KCNQ4: variants seen among roughly 807,000 people sequenced by gnomAD.
KCNQ4 encodes potassium voltage-gated channel subfamily Q member 4.
KCNQ4 carries 31 observed loss-of-function variants against 72.6 expected under a neutral mutation model. That is an observed-to-expected ratio of 0.43 (90% CI 0.32 to 0.58). The LOEUF is 0.58. KCNQ4 is among the 20% of genes least tolerant of loss of function. The probability of loss-of-function intolerance (pLI) is 0.08; values close to 1 mark genes in which losing one functional copy is unlikely to be tolerated. For synonymous variants in KCNQ4, 405 were observed against 403.7 expected (o/e 1.00, Z -0.04); for missense variants, 869 against 962.6 (o/e 0.90, Z 1.29).
In KCNQ4 at chr1:40,817,417, T is replaced by C; in HGVS notation, c.405+62T>C. The C allele has an allele frequency of 7.7e-7, 1 of 1,304,332 alleles. No homozygotes were observed. Among genetic ancestry groups the C allele is most frequent in the Non-Finnish European group, 1.1e-6 (1 of 921,512 alleles). The allele number at this position is 1,304,332 out of a possible 1,614,324, so 80.8% of individuals were successfully genotyped here. A position where few individuals can be genotyped will look rare whatever the true frequency, so the allele number is the denominator to read the frequency against. ...TGAGGTAGCACCTCTGGGCTGGGAGTCCGGGACTGAGGGGGGCTGTGTGAG... is the reference window on the plus strand; with the variant it reads ...TGAGGTAGCACCTCTGGGCTGGGAGCCCGGGACTGAGGGGGGCTGTGTGAG... On this transcript the variant is annotated intron_variant, in intron 2 of 13. Coordinates refer to ENST00000347132, the MANE Select transcript of KCNQ4 (RefSeq NM_004700.4). The surrounding 1 kb of genome is among the most constrained non-coding windows in gnomAD (Gnocchi z 5.5).
intron 1 of KCNQ4, among the ~76,000 whole-genome samples, chr1:40,795,898 G>A (rs955837038): frequency 6.6e-6 from 1 of 152,194 alleles, no homozygotes; most frequent in Non-Finnish European, 1.5e-5. Context: ...TCTCTACCAG[G>A]TATTGTGCTA....
At position 40,831,293 on chromosome 1, in the gene KCNQ4, C is replaced by T. The variant is rs200391496; in HGVS notation, c.1502C>T (p.Thr501Ile). 4.1e-5 allele frequency: 65 copies of T among 1,599,006 alleles called. No individual in the cohort carries two copies. Among genetic ancestry groups the T allele is most frequent in the Non-Finnish European group, 4.9e-5 (57 of 1,173,046 alleles). ...GCATCTCTGAGACTCAAACCCCGCACCTCTGCTGAGGGTAAGCCCCCGGGG... is the reference window on the plus strand; with the variant it reads ...GCATCTCTGAGACTCAAACCCCGCATCTCTGCTGAGGGTAAGCCCCCGGGG... ...FRASLRLKPR[T>I]SAEDAPSEEV... The change falls in exon 10 of 14, where the codon ACC becomes ATC. Residue 501 changes from threonine (T) to isoleucine (I), a missense_variant. Physicochemically the swap from Thr to Ile is moderately conservative, Grantham distance 89. This residue lies in a region of KCNQ4 where 480 missense variants were observed against 501.9 expected (regional missense o/e 0.96). Transcript: ENST00000347132.
chr1:40,823,266 A>G (rs556587519), intron 8 of KCNQ4, among the ~76,000 whole-genome samples: 10 of 152,228 alleles, frequency 6.6e-5, no homozygotes, highest in Non-Finnish European at 1.3e-4. Flanking sequence ...GGCTCCCAGC[A>G]TCACACTGGT....
At chr1:40,799,594 G>T (rs893494248) in intron 1 of KCNQ4, among the ~76,000 whole-genome samples, 1 of 152,196 alleles carries the variant, frequency 6.6e-6, no homozygotes, top group Non-Finnish European at 1.5e-5. Flanking sequence ...TCCAGCCCCC[G>T]GTCATGGCAG....
intron 9 of KCNQ4, among the ~76,000 whole-genome samples, chr1:40,826,038 G>C (rs34452825): frequency 1.3e-5 from 2 of 152,044 alleles, no homozygotes. Context: ...ACCCCAGGGG[G>C]CTGAGCCATG....
rs1648124485 is a variant in KCNQ4, at chr1:40,817,355, G to A, written c.405G>A (p.Leu135=). 6.2e-7 allele frequency: 1 copy of A among 1,612,846 alleles called. No individual in the cohort carries two copies. The highest frequency in any genetic ancestry group is 1.7e-5 in the Admixed American group (1 of 59,938). The change falls in exon 2 of 14, where the codon TTG becomes TTA. Residue 135 remains leucine, a splice_region_variant and synonymous_variant. Coordinates refer to ENST00000347132, the MANE Select transcript of KCNQ4 (RefSeq NM_004700.4). The surrounding 1 kb of genome is among the most constrained non-coding windows in gnomAD (Gnocchi z 5.5). Reference sequence around the variant, plus strand: ...TTGCCAACGAGTGTCTCCTCATCTTGGTAAGTGCTGGGAGTCCGGGACTGA... The same window carrying A: ...TTGCCAACGAGTGTCTCCTCATCTTAGTAAGTGCTGGGAGTCCGGGACTGA... The part of the protein sequence containing the change: ...QELANECLLI[L]EFVMIVVFGL...
intron 9 of KCNQ4, among the ~76,000 whole-genome samples, chr1:40,824,684 C>T (rs1430215371): frequency 6.6e-6 from 1 of 152,162 alleles, no homozygotes; most frequent in Admixed American, 6.5e-5. Context: ...GGTGTGAGGG[C>T]AGGGAACCCC....
At chr1:40,790,643 C>T (rs1265431726) in intron 1 of KCNQ4, among the ~76,000 whole-genome samples, 1 of 152,174 alleles carries the variant, frequency 6.6e-6, no homozygotes, top group African/African-American at 2.4e-5. Flanking sequence ...TCACCCAGCT[C>T]ATGAATGGAG....
Position 40,784,713 on chromosome 1 carries a change from C to G in KCNQ4, c.314+306C>G, listed in dbSNP as rs1252820440. ...TACTCCCGACCGCCAGCTGCCTCCC[C>G]CAAGTCCGCTTGGCGAAGTCTGGGG... On this transcript the variant is annotated intron_variant, in intron 1 of 13. Transcript: ENST00000347132. This position sits in a 1 kb window ranked among gnomAD's most constrained non-coding sequence, Gnocchi z 4.1. Among the ~76,000 whole-genome samples, 1 of 152,230 alleles carries G rather than the reference C, an allele frequency of 6.6e-6. No individual in the cohort carries two copies. The highest frequency in any genetic ancestry group is 1.5e-5 in the Non-Finnish European group (1 of 68,022).
intron 1 of KCNQ4, among the ~76,000 whole-genome samples, chr1:40,816,588 G>A (rs1240989757): frequency 6.6e-6 from 1 of 152,068 alleles, no homozygotes; most frequent in African/African-American, 2.4e-5. Flanking sequence ...TATGTCTCTG[G>A]TTCTGGGCCA....
chr1:40,810,639 C>CGA (rs138118823), intron 1 of KCNQ4, among the ~76,000 whole-genome samples: 1 of 152,136 alleles, frequency 6.6e-6, no homozygotes, highest in South Asian at 2.1e-4. Flanking sequence ...TTGGACATGT[C>CGA]GAGAGAGAGA....
At chr1:40,829,822 A>T (rs750168527) in intron 9 of KCNQ4, among the ~76,000 whole-genome samples, 1 of 152,124 alleles carries the variant, frequency 6.6e-6, no homozygotes. Context: ...AAACCACAGC[A>T]GGGGAGGCAG....
Position 40,800,438 on chromosome 1 carries a change from T to C in KCNQ4, c.314+16031T>C, listed in dbSNP as rs146261353. On this transcript the variant is annotated intron_variant, in intron 1 of 13. Coordinates refer to ENST00000347132, the MANE Select transcript of KCNQ4 (RefSeq NM_004700.4). The stretch of plus-strand genomic sequence containing the variant: ...TTTATTTAAAAGTTTGTTAACCTGA[T>C]TGAAACTTTTAAATATTTAGACTTA... Among the ~76,000 whole-genome samples, 635 of 152,312 alleles carry C rather than the reference T, an allele frequency of 4.2e-3. 5 individuals carry two copies. Among genetic ancestry groups the C allele is most frequent in the African/African-American group, 0.014 (586 of 41,560 alleles).
chr1:40,787,773 C>T (rs899826856), intron 1 of KCNQ4, among the ~76,000 whole-genome samples: 8 of 152,146 alleles, frequency 5.3e-5, no homozygotes, highest in African/African-American at 1.7e-4. Flanking sequence ...TAAGAAATAC[C>T]ACCTCGTGGC....
chr1:40,786,968 T>C (rs1166178550), intron 1 of KCNQ4, among the ~76,000 whole-genome samples: 1 of 152,074 alleles, frequency 6.6e-6, no homozygotes, highest in Non-Finnish European at 1.5e-5. Flanking sequence ...TCAAATCCTT[T>C]CTCCTCTTCC....
Position 40,817,214 on chromosome 1 carries a change from C to A in KCNQ4, c.315-51C>A. The stretch of plus-strand genomic sequence containing the variant: ...TAACCCCCTGCCAGGGGCACCTTGG[C>A]TGTCCTGTCCCTCCAACAATCTAAC... On this transcript the variant is annotated intron_variant, in intron 1 of 13. Transcript: ENST00000347132. This position sits in a 1 kb window ranked among gnomAD's most constrained non-coding sequence, Gnocchi z 5.5. 2 of 1,493,674 alleles carry A rather than the reference C, an allele frequency of 1.3e-6. No homozygotes were observed. The highest frequency in any genetic ancestry group is 9.3e-7 in the Non-Finnish European group (1 of 1,074,558). 92.5% of individuals were successfully genotyped at this position (1,493,674 alleles called of 1,614,324 possible). A position where few individuals can be genotyped will look rare whatever the true frequency, so the allele number is the denominator to read the frequency against.
chr1:40,836,522 G>A (rs1416988869), intron 12 of KCNQ4, among the ~76,000 whole-genome samples: 1 of 152,146 alleles, frequency 6.6e-6, no homozygotes, highest in Non-Finnish European at 1.5e-5. Flanking sequence ...AAAGTGTAGA[G>A]GAATTGAAAA....
At chr1:40,811,626 G>A (rs544577517) in intron 1 of KCNQ4, among the ~76,000 whole-genome samples, 1 of 152,306 alleles carries the variant, frequency 6.6e-6, no homozygotes, top group African/African-American at 2.4e-5. Flanking sequence ...CCTCCTGAAC[G>A]AGTGGGATAG....
chr1:40,832,397 G>A (rs1463781608), intron 10 of KCNQ4, among the ~76,000 whole-genome samples: 1 of 152,224 alleles, frequency 6.6e-6, no homozygotes, highest in Non-Finnish European at 1.5e-5. Context: ...CCTGGGCACA[G>A]CTGGTGCCCA....
Sources: allele counts gnomAD v4.1 joint callset (sites outside exome capture counted in the v4.1 genomes callset), GRCh38; gene constraint gnomAD v4.1.1; regional missense constraint gnomAD v4.1.1; non-coding constraint Gnocchi (gnomAD v3.1); transcripts MANE v1.5; gene names NCBI Gene and HGNC (gene_info 2026-07-23, HGNC 2026-07-21).